ADAM22: variants seen among roughly 807,000 people sequenced by gnomAD.
The protein encoded by ADAM22 is ADAM metallopeptidase domain 22.
In ADAM22, 65 loss-of-function variants were observed where a neutral mutation model predicts 144.6. The ratio of observed to expected loss-of-function variants is 0.45; its 90% CI spans 0.37 to 0.55. ADAM22 has a LOEUF of 0.55. ADAM22 is among the 20% of genes least tolerant of loss of function. ADAM22 has a pLI of 0.00. For synonymous variants in ADAM22, 391 were observed against 412.6 expected (o/e 0.95, Z 0.63); for missense variants, 974 against 1,184.9 (o/e 0.82, Z 2.61).
At chr7:88,002,353 G>T (rs1724534826) in intron 3 of ADAM22, among the ~76,000 whole-genome samples, 1 of 152,136 alleles carries the variant, frequency 6.6e-6, no homozygotes, top group South Asian at 2.1e-4. Flanking sequence ...CATTCCTGTG[G>T]CATCCTAACC....
At chr7:88,188,274 C>A (rs1251299399) in intron 30 of ADAM22, among the ~76,000 whole-genome samples, 3 of 152,052 alleles carry the variant, frequency 2.0e-5, no homozygotes, top group African/African-American at 7.2e-5. Flanking sequence ...TGATTCACCT[C>A]CCCTGGGTGA....
chr7:87,986,036 C>T (rs1030242792), intron 3 of ADAM22, among the ~76,000 whole-genome samples: 2 of 152,070 alleles, frequency 1.3e-5, no homozygotes, highest in African/African-American at 4.8e-5. Context: ...GGAAAGAGTT[C>T]CATACTTCTC....
chr7:88,085,573 A>C (rs1393580337), intron 4 of ADAM22, among the ~76,000 whole-genome samples: 1 of 152,182 alleles, frequency 6.6e-6, no homozygotes, highest in Non-Finnish European at 1.5e-5. Context: ...AATCATGATA[A>C]ATCTTTTAGA....
intron 3 of ADAM22, among the ~76,000 whole-genome samples, chr7:88,021,091 C>G (rs1797724398): frequency 6.6e-6 from 1 of 152,208 alleles, no homozygotes; most frequent in Non-Finnish European, 1.5e-5. Context: ...TTCTGTCCTG[C>G]CTTCCATCAT....
At chr7:88,146,002 T>C (rs1177350786) in intron 17 of ADAM22, among the ~76,000 whole-genome samples, 1 of 152,182 alleles carries the variant, frequency 6.6e-6, no homozygotes, top group African/African-American at 2.4e-5. Context: ...GCATATATTA[T>C]TGGTCCTGCA....
chr7:88,095,912 C>T (rs71570600), intron 4 of ADAM22, among the ~76,000 whole-genome samples: 1 of 150,740 alleles, frequency 6.6e-6, no homozygotes, highest in Admixed American at 6.6e-5. Flanking sequence ...TGTAAATACT[C>T]TCTCCCCACC....
At chr7:88,003,502 C>A (rs912044550) in intron 3 of ADAM22, among the ~76,000 whole-genome samples, 23 of 152,138 alleles carry the variant, frequency 1.5e-4, no homozygotes, top group Non-Finnish European at 3.4e-4. Flanking sequence ...GTTCTCCCCC[C>A]AAATTTGATG....
chr7:88,127,037 A>G (rs1830588189), intron 8 of ADAM22, among the ~76,000 whole-genome samples: 1 of 151,712 alleles, frequency 6.6e-6, no homozygotes, highest in Admixed American at 6.6e-5. Context: ...TACTACTGTG[A>G]CCTTTATAAG....
chr7:87,942,385 C>G (rs1052567330), intron 2 of ADAM22, among the ~76,000 whole-genome samples: 1 of 152,114 alleles, frequency 6.6e-6, no homozygotes, highest in African/African-American at 2.4e-5. Flanking sequence ...TGTAAAGTCA[C>G]AAAGCTGATA....
chr7:87,975,467 A>G (rs1414144968), intron 2 of ADAM22, among the ~76,000 whole-genome samples: 5 of 152,180 alleles, frequency 3.3e-5, no homozygotes, highest in South Asian at 4.1e-4. Flanking sequence ...AGCTTGCCTT[A>G]TATTAAAACT....
At chr7:88,167,547 C>T (rs1843236857) in intron 24 of ADAM22, among the ~76,000 whole-genome samples, 3 of 152,116 alleles carry the variant, frequency 2.0e-5, no homozygotes, top group African/African-American at 7.2e-5. Flanking sequence ...ACTCTTTTTC[C>T]TCTGGGGTTT....
At chr7:87,955,663 G>T (rs887243316) in intron 2 of ADAM22, among the ~76,000 whole-genome samples, 24 of 152,200 alleles carry the variant, frequency 1.6e-4, no homozygotes, top group Non-Finnish European at 2.9e-4. Context: ...CCTCAAAGTT[G>T]TCAGACAGGG....
chr7:88,110,026 AC>A (rs543081010), intron 5 of ADAM22, among the ~76,000 whole-genome samples: 72 of 152,320 alleles, frequency 4.7e-4, no homozygotes, highest in Non-Finnish European at 3.7e-4. Context: ...ATAACCAGAG[AC>A]AGGAGGCCAT....
intron 21 of ADAM22, among the ~76,000 whole-genome samples, chr7:88,155,403 G>C (rs1839652238): frequency 6.6e-6 from 1 of 151,622 alleles, no homozygotes; most frequent in African/African-American, 2.4e-5. Context: ...TACACCTGTA[G>C]TCCCAGCTAC....
chr7:88,151,364 A>G lies in ADAM22; in HGVS notation c.1681+44A>G. 5 of 1,608,780 alleles carry G rather than the reference A, an allele frequency of 3.1e-6. No homozygotes were observed. The Middle Eastern group carries it at 5.0e-4, about 160-fold the overall frequency. On this transcript the variant is annotated intron_variant, in intron 20 of 31. Coordinates refer to ENST00000413139, the MANE Select transcript of ADAM22 (RefSeq NM_001324418.2). ...TTGATCATTGTTAAAGCATGATGTC[A>G]GGCGGACTTCTCAAGGACGTGTGTG... is the stretch of plus-strand genomic sequence containing the variant.
intron 3 of ADAM22, among the ~76,000 whole-genome samples, chr7:88,059,065 G>T (rs577524588): frequency 6.6e-6 from 1 of 152,270 alleles, no homozygotes; most frequent in South Asian, 2.1e-4. Flanking sequence ...GAGATCCTTA[G>T]TTCCCATCCC....
chr7:88,057,117 A>G lies in ADAM22; in HGVS notation c.324-18509A>G, dbSNP rs1031405999. ...GATTTGCTTTTAATGTCTACAGCAC[A>G]TTATTGAATCTTTTTTTTTTTTTCT... On this transcript the variant is annotated intron_variant, in intron 3 of 31. Transcript: ENST00000413139. Among the ~76,000 whole-genome samples, 5 of 139,116 alleles carry G rather than the reference A, an allele frequency of 3.6e-5. No homozygotes were observed. The East Asian group carries it at 1.1e-3, about 31-fold the overall frequency. 91.3% of individuals were successfully genotyped at this position (139,116 alleles called of 152,430 possible).
chr7:88,013,626 G>T (rs1301812150), intron 3 of ADAM22, among the ~76,000 whole-genome samples: 3 of 152,068 alleles, frequency 2.0e-5, no homozygotes, highest in South Asian at 4.1e-4. Context: ...TCAGGGTCTT[G>T]CTCTGTTGCT....
intron 18 of ADAM22, among the ~76,000 whole-genome samples, chr7:88,150,152 G>A (rs890336663): frequency 1.3e-5 from 2 of 152,188 alleles, no homozygotes; most frequent in African/African-American, 4.8e-5. Context: ...CTGGTTGCAT[G>A]TCTAGAGGCT....
Sources: gnomAD v4.1 joint callset for allele counts (sites outside exome capture counted in the v4.1 genomes callset) on GRCh38, gnomAD v4.1.1 for gene constraint, MANE v1.5 for transcripts, NCBI Gene and HGNC (gene_info 2026-07-23, HGNC 2026-07-21) for gene names.